HIF3A: variants seen among roughly 807,000 people sequenced by gnomAD.
HIF3A encodes the protein hypoxia inducible factor 3 subunit alpha.
Under a neutral mutation model 67.2 loss-of-function variants are expected in HIF3A, and 41 were observed. That is an observed-to-expected ratio of 0.61 (90% CI 0.48 to 0.79). The LOEUF (loss-of-function observed/expected upper bound fraction) is 0.79. Among genes scored for constraint, HIF3A ranks in the 30% least tolerant of loss-of-function variants. The pLI, the probability that HIF3A is intolerant of heterozygous loss-of-function variation, is 0.00. For synonymous variants in HIF3A, 356 were observed against 374.8 expected (o/e 0.95, Z 0.58); for missense variants, 855 against 898.0 (o/e 0.95, Z 0.61).
chr19:46,333,928 G>A (rs2147304743), intron 13 of HIF3A, among the ~76,000 whole-genome samples: 1 of 150,704 alleles, frequency 6.6e-6, no homozygotes, highest in South Asian at 2.1e-4. Context: ...AAGTAGCTGG[G>A]ACCACAGGCA....
At chr19:46,324,993 G>A (rs1970670389) in intron 10 of HIF3A, among the ~76,000 whole-genome samples, 1 of 144,122 alleles carries the variant, frequency 6.9e-6, no homozygotes. Flanking sequence ...TATTGTGTGT[G>A]TGTGTGTGTG....
In HIF3A at chr19:46,297,061, C is replaced by G; in HGVS notation, c.-16C>G. The G allele has an allele frequency of 3.1e-6, 4 of 1,305,008 alleles. No homozygotes were observed. The highest frequency in any genetic ancestry group is 3.9e-6 in the Non-Finnish European group (4 of 1,016,984). The allele number at this position is 1,305,008 out of a possible 1,614,324, so 80.8% of individuals were successfully genotyped here. On this transcript the variant is annotated 5_prime_UTR_variant, in exon 1 of 15. Coordinates refer to ENST00000377670, the MANE Select transcript of HIF3A (RefSeq NM_152795.4). This position sits in a 1 kb window ranked among gnomAD's most constrained non-coding sequence, Gnocchi z 4.5. ...CTAGGGGCCTCCGAGGGCTCCGGAG[C>G]GGCGACTGGCGAGCCATGGCGCTGG...
rs184047147 is a variant in HIF3A at position 46,342,903 on chromosome 19, C to A, written c.*3281C>A. Reference sequence around the variant, plus strand: ...CCTACAATCTCTGTGCCCCAGAACCCCCTCCACTTCCCACCCCAGCCCTCC... The same window carrying A: ...CCTACAATCTCTGTGCCCCAGAACCACCTCCACTTCCCACCCCAGCCCTCC... On this transcript the variant is annotated 3_prime_UTR_variant, in exon 15 of 15. Transcript: ENST00000377670. 8.2e-4 allele frequency: 125 copies of A among 152,594 alleles called. No individual in the cohort carries two copies. Among genetic ancestry groups the A allele is most frequent in the Non-Finnish European group, 1.3e-3 (89 of 68,272 alleles). The allele number at this position is 152,594 out of a possible 1,614,324, so 9.5% of individuals were successfully genotyped here. A position where few individuals can be genotyped will look rare whatever the true frequency, so the allele number is the denominator to read the frequency against.
chr19:46,318,480 T>C (rs992186246), intron 8 of HIF3A, among the ~76,000 whole-genome samples: 3 of 142,126 alleles, frequency 2.1e-5, no homozygotes, highest in Admixed American at 7.6e-5. Flanking sequence ...GCCTGGGAGA[T>C]TGAGGCTGCA....
intron 8 of HIF3A, among the ~76,000 whole-genome samples, chr19:46,317,202 T>C (rs942181253): frequency 4.6e-5 from 7 of 152,044 alleles, no homozygotes; most frequent in African/African-American, 9.7e-5. Flanking sequence ...ATTACAGGTG[T>C]GAGCCCTGGT....
chr19:46,303,929 C>T lies in HIF3A; in HGVS notation c.58C>T (p.Arg20Trp), dbSNP rs1461717264. ...STTELRKEKSRDAARSRRSQE... is the reference protein window; with the variant it reads ...STTELRKEKSWDAARSRRSQE... ...CACGGAGCTGCGCAAGGAAAAGTCC[C>T]GGGATGCGGCCCGCAGCCGGCGCAG... The change falls in exon 2 of 15, where the codon CGG becomes TGG. Residue 20 changes from arginine (R) to tryptophan (W), a missense_variant. By Grantham distance (101) the Arg-to-Trp change is moderately radical (BLOSUM62 -3). Coordinates refer to ENST00000377670, the MANE Select transcript of HIF3A (RefSeq NM_152795.4). The T allele has an allele frequency of 3.1e-6, 5 of 1,608,702 alleles. No homozygotes were observed. Among genetic ancestry groups the T allele is most frequent in the Non-Finnish European group, 4.2e-6 (5 of 1,178,048 alleles).
chr19:46,307,403 A>C (rs908666538), intron 3 of HIF3A, among the ~76,000 whole-genome samples: 5 of 151,910 alleles, frequency 3.3e-5, no homozygotes, highest in African/African-American at 1.2e-4. Context: ...GGAGTTTGAG[A>C]CCAGCCTGGG....
At chr19:46,334,845 G>T (rs1019219977) in intron 13 of HIF3A, 60 bp from the exon 14 acceptor site, 1 of 1,419,306 alleles carries the variant, frequency 7.0e-7, no homozygotes, top group African/African-American at 1.4e-5. Flanking sequence ...CACCACTCCC[G>T]GCTGTTCCTT....
Position 46,329,427 on chromosome 19 carries a change from C to A in HIF3A, c.1661C>A (p.Pro554His). ...GACCCCCGGCTGAGCTGCTCCAGCC[C>A]TTCCAGAGGGGACCCCTCAGCATCC... is the stretch of plus-strand genomic sequence containing the variant. ...GSDPRLSCSS[P>H]SRGDPSASSP... The change falls in exon 12 of 15, where the codon CCT (proline) becomes CAT (histidine). Residue 554 changes from proline (P) to histidine (H), a missense_variant. Physicochemically the swap from Pro to His is moderately conservative, Grantham distance 77. Around this residue, in one of 3 missense-constraint regions of HIF3A, gnomAD observed 199 missense variants for 193.8 expected, o/e 1.03. Transcript: ENST00000377670. The A allele has an allele frequency of 6.3e-7, 1 of 1,578,970 alleles. No homozygotes were observed. Among genetic ancestry groups the A allele is most frequent in the Non-Finnish European group, 8.6e-7 (1 of 1,161,470 alleles).
chr19:46,309,114 A>AGGCAC, intron 5 of HIF3A, 37 bp from the exon 6 acceptor site: 1 of 1,569,720 alleles, frequency 6.4e-7, no homozygotes. Context: ...TCAGGCCCAG[A>AGGCAC]GGCACCACTG....
chr19:46,314,938 C>T (rs1404787664), intron 8 of HIF3A, among the ~76,000 whole-genome samples: 1 of 147,176 alleles, frequency 6.8e-6, no homozygotes, highest in Non-Finnish European at 1.5e-5. Context: ...AACCACTGTC[C>T]TCAGACCCCA....
intron 6 of HIF3A, chr19:46,310,681 T>G: frequency 2.3e-6 from 1 of 440,938 alleles, no homozygotes; most frequent in South Asian, 1.6e-5. Context: ...ACAGTCGTTC[T>G]GAGCAGCTCA....
At chr19:46,307,356 C>T (rs1165414077) in intron 3 of HIF3A, among the ~76,000 whole-genome samples, 1 of 152,176 alleles carries the variant, frequency 6.6e-6, no homozygotes, top group East Asian at 1.9e-4. Flanking sequence ...AATTCCAGTA[C>T]TTTGGGAGGC....
intron 3 of HIF3A, among the ~76,000 whole-genome samples, chr19:46,307,896 T>C (rs1012808493): frequency 1.3e-5 from 2 of 152,134 alleles, no homozygotes; most frequent in Non-Finnish European, 2.9e-5. Context: ...ACTGCCCCGC[T>C]GCATTCCAGC....
At chr19:46,312,955 G>A (rs1372218538) in intron 8 of HIF3A, 2 of 1,027,490 alleles carry the variant, frequency 1.9e-6, no homozygotes, top group Non-Finnish European at 2.3e-6. Flanking sequence ...AAATTAGAAA[G>A]GGGTCTTTAT....
intron 10 of HIF3A, among the ~76,000 whole-genome samples, chr19:46,323,026 C>T (rs1242776044): frequency 1.4e-5 from 2 of 146,778 alleles, no homozygotes; most frequent in African/African-American, 5.1e-5. Context: ...CGGGCAGGAC[C>T]CTCTCTGGGG....
In HIF3A at chr19:46,297,317, A is replaced by C. The variant is rs910188786; in HGVS notation, c.26+215A>C. 6.6e-6 allele frequency among the ~76,000 whole-genome samples: 1 copy of C among 152,110 alleles called. No homozygotes were observed. The highest frequency in any genetic ancestry group is 1.5e-5 in the Non-Finnish European group (1 of 68,006). ...CTCTGGCTGCCCCGCCCCTCTGGCC[A>C]AGAGCGGCTTCGGGGTTCCCGATTT... On this transcript the variant is annotated intron_variant, in intron 1 of 14. Transcript: ENST00000377670. This position sits in a 1 kb window ranked among gnomAD's most constrained non-coding sequence, Gnocchi z 4.5.
chr19:46,305,691 G>T (rs1968783568), intron 3 of HIF3A, among the ~76,000 whole-genome samples: 1 of 152,128 alleles, frequency 6.6e-6, no homozygotes, highest in Non-Finnish European at 1.5e-5. Context: ...ATGGAGAATG[G>T]ATGGGATCAG....
chr19:46,338,102 G>C, intron 14 of HIF3A: 1 of 430,402 alleles, frequency 2.3e-6, no homozygotes, highest in Non-Finnish European at 4.6e-6. Context: ...CTGGAGTGTC[G>C]GTCCCATAAG....
Sources: allele counts gnomAD v4.1 joint callset (sites outside exome capture counted in the v4.1 genomes callset), GRCh38; gene constraint gnomAD v4.1.1; regional missense constraint gnomAD v4.1.1; non-coding constraint Gnocchi (gnomAD v3.1); transcripts MANE v1.5; gene names NCBI Gene and HGNC (gene_info 2026-07-23, HGNC 2026-07-21).